The following DCDC1 variants were observed in gnomAD, a reference collection of about 807,000 sequenced individuals.
DCDC1 encodes the protein doublecortin domain containing 1.
In DCDC1, 200 loss-of-function variants were observed where a neutral mutation model predicts 178.3. The ratio of observed to expected loss-of-function variants is 1.12; its 90% CI spans 1.00 to 1.26. The LOEUF (loss-of-function observed/expected upper bound fraction) is 1.26. DCDC1 is among the 50% of genes most tolerant of loss of function. DCDC1 has a pLI of 0.00. For missense variants in DCDC1, 1,983 were observed against 1,749.2 expected, an observed-to-expected ratio of 1.13 and a Z score of -2.38; for synonymous variants, 690 against 604.8, an observed-to-expected ratio of 1.14 and a Z score of -2.07.
chr11:30,893,024 G>A, intron 35 of DCDC1, 27 bp from the exon 36 acceptor site: 1 of 1,611,610 alleles, frequency 6.2e-7, no homozygotes, highest in Non-Finnish European at 8.5e-7. Context: ...AGAGAATGTT[G>A]TGTTTAGAGA....
At chr11:31,040,304 C>A (rs777351030) in intron 20 of DCDC1, among the ~76,000 whole-genome samples, 1 of 152,150 alleles carries the variant, frequency 6.6e-6, no homozygotes, top group African/African-American at 2.4e-5. Context: ...TGTTTTTGCA[C>A]AATATTTGCA....
At chr11:30,972,676 T>C (rs1949870283) in intron 20 of DCDC1, among the ~76,000 whole-genome samples, 1 of 152,092 alleles carries the variant, frequency 6.6e-6, no homozygotes, top group East Asian at 1.9e-4. Flanking sequence ...AAAGAATTAA[T>C]AAATTGACAA....
At chr11:31,075,882 G>A (rs111277171) in intron 18 of DCDC1, among the ~76,000 whole-genome samples, 29 of 151,916 alleles carry the variant, frequency 1.9e-4, no homozygotes, top group Admixed American at 3.3e-4. Flanking sequence ...ACAGAGTTTC[G>A]CTCTTGTTGC....
chr11:31,198,530 C>T (rs1362950824), intron 9 of DCDC1, among the ~76,000 whole-genome samples: 1 of 151,968 alleles, frequency 6.6e-6, no homozygotes, highest in African/African-American at 2.4e-5. Context: ...ATGGATATAG[C>T]AGGGAGCTAA....
At position 31,009,438 on chromosome 11, in the gene DCDC1, T is replaced by TTGTGTGTGTGTGTG. The variant is rs139389381; in HGVS notation, c.2591+55017_2591+55030dup. ...ACACAATTATTGTCTCACAGTTTCT[T>TTGTGTGTGTGTGTG]TGTGTGTGTGTGTGTGTGTGTGTGT... On this transcript the variant is annotated intron_variant, in intron 20 of 38. Coordinates refer to ENST00000684477, the MANE Select transcript of DCDC1 (RefSeq NM_001387274.1). Among the ~76,000 whole-genome samples the TTGTGTGTGTGTGTG allele has an allele frequency of 9.7e-5, 14 of 144,518 alleles. No individual in the cohort carries two copies. In the South Asian group the frequency reaches 1.6e-3, roughly 17 times the overall value. The allele number at this position is 144,518 out of a possible 152,430, so 94.8% of individuals were successfully genotyped here. A position where few individuals can be genotyped will look rare whatever the true frequency, so the allele number is the denominator to read the frequency against.
At chr11:31,188,750 C>T (rs1969799875) in intron 9 of DCDC1, among the ~76,000 whole-genome samples, 1 of 152,182 alleles carries the variant, frequency 6.6e-6, no homozygotes, top group South Asian at 2.1e-4. Context: ...ATAAATTTTT[C>T]ACCATCCAAG....
intron 21 of DCDC1, chr11:30,944,110 A>C (rs982157696): frequency 3.1e-5 from 8 of 262,282 alleles, no homozygotes; most frequent in Admixed American, 4.7e-5. Context: ...ATCTTTCTTC[A>C]CAGTGACTAT....
chr11:31,047,522 T>A (rs7111977), intron 20 of DCDC1, among the ~76,000 whole-genome samples: 6,976 of 152,218 alleles, frequency 0.046, 500 homozygotes, highest in African/African-American at 0.15. Flanking sequence ...TTTAACCTTA[T>A]CTCTTCAACT....
chr11:31,212,884 G>A (rs1352796416), intron 9 of DCDC1, among the ~76,000 whole-genome samples: 1 of 152,104 alleles, frequency 6.6e-6, no homozygotes, highest in Admixed American at 6.5e-5. Context: ...GAAATTGGAA[G>A]AAACCTAAAT....
rs558216062 is a variant in DCDC1 at position 30,927,605 on chromosome 11, C to T, written c.2898-2197G>A. ...AAAATCAATTCCTTTGCCTCCTAAT[C>T]CAGTGGTCTTTCCAATATTCTATGT... On this transcript the variant is annotated intron_variant, in intron 22 of 38. Coordinates refer to ENST00000684477, the MANE Select transcript of DCDC1 (RefSeq NM_001387274.1). Among the ~76,000 whole-genome samples the T allele has an allele frequency of 2.6e-4, 39 of 152,208 alleles. No individual in the cohort carries two copies. In the South Asian group the frequency reaches 3.3e-3, roughly 13 times the overall value.
At chr11:31,262,923 T>G (rs1350112636) in intron 8 of DCDC1, 2 of 885,360 alleles carry the variant, frequency 2.3e-6, no homozygotes, top group East Asian at 5.2e-5. Flanking sequence ...TAATTTCAGC[T>G]GGCATAAGCT....
chr11:30,899,486 T>C, intron 34 of DCDC1, 55 bp downstream of exon 34: 1 of 1,177,302 alleles, frequency 8.5e-7, no homozygotes, highest in African/African-American at 1.6e-5. Context: ...CCATTAGCAA[T>C]TTGGGGCTAC....
intron 20 of DCDC1, among the ~76,000 whole-genome samples, chr11:31,041,704 G>T (rs1954467772): frequency 6.6e-6 from 1 of 152,008 alleles, no homozygotes; most frequent in African/African-American, 2.4e-5. Flanking sequence ...TACCTCATAT[G>T]GCAGAAGGGG....
chr11:31,211,411 C>T (rs1053483602), intron 9 of DCDC1, among the ~76,000 whole-genome samples: 1 of 152,140 alleles, frequency 6.6e-6, no homozygotes, highest in Non-Finnish European at 1.5e-5. Context: ...TATCCACATG[C>T]CTACTACCTG....
intron 1 of DCDC1, among the ~76,000 whole-genome samples, chr11:31,357,120 C>A (rs1951421864): frequency 6.6e-6 from 1 of 152,052 alleles, no homozygotes; most frequent in Non-Finnish European, 1.5e-5. Flanking sequence ...CAAAGCCGGG[C>A]AGAGACACAA....
At chr11:31,310,548 T>C (rs1948714066) in intron 3 of DCDC1, among the ~76,000 whole-genome samples, 1 of 152,034 alleles carries the variant, frequency 6.6e-6, no homozygotes, top group Non-Finnish European at 1.5e-5. Flanking sequence ...CTCAATCTCC[T>C]GACTTCATGA....
chr11:31,196,534 C>A (rs1314242712), intron 9 of DCDC1, among the ~76,000 whole-genome samples: 1 of 152,036 alleles, frequency 6.6e-6, no homozygotes, highest in Non-Finnish European at 1.5e-5. Flanking sequence ...TATAATGACT[C>A]ACTGAACTCA....
chr11:31,160,718 A>G (rs1029078285), intron 9 of DCDC1, among the ~76,000 whole-genome samples: 24 of 152,180 alleles, frequency 1.6e-4, no homozygotes, highest in Admixed American at 1.6e-3. Context: ...GAATGACAAA[A>G]TAACAGTTTA....
chr11:31,266,155 T>C (rs1376882081), intron 7 of DCDC1, among the ~76,000 whole-genome samples: 1 of 152,164 alleles, frequency 6.6e-6, no homozygotes, highest in East Asian at 1.9e-4. Flanking sequence ...TAACTTATGT[T>C]GTTTGGGTAC....
Sources: allele counts gnomAD v4.1 joint callset (sites outside exome capture counted in the v4.1 genomes callset), GRCh38; gene constraint gnomAD v4.1.1; transcripts MANE v1.5; gene names NCBI Gene and HGNC (gene_info 2026-07-23, HGNC 2026-07-21).